COL23A1: variants seen among roughly 807,000 people sequenced by gnomAD.
COL23A1 encodes collagen alpha-1(XXIII) chain.
COL23A1 carries 97 observed loss-of-function variants against 99.3 expected under a neutral mutation model. The observed-to-expected ratio is 0.98, with a 90% CI of 0.83 to 1.16. The LOEUF (loss-of-function observed/expected upper bound fraction) is 1.16, where lower values mean the gene tolerates loss of function less well. Ranked by LOEUF, COL23A1 falls within the 50% of genes most tolerant of loss-of-function variation. COL23A1 has a pLI of 0.00. For missense variants in COL23A1, 762 were observed against 757.4 expected (o/e 1.01, Z -0.07); for synonymous variants, 320 against 308.2 (o/e 1.04, Z -0.40).
Position 178,238,590 on chromosome 5 carries a change from C to G in COL23A1, c.*108G>C. The G allele has an allele frequency of 6.9e-7, 1 of 1,443,568 alleles. No homozygotes were observed. Among genetic ancestry groups the G allele is most frequent in the Non-Finnish European group, 9.7e-7 (1 of 1,032,162 alleles). 89.4% of individuals were successfully genotyped at this position (1,443,568 alleles called of 1,614,324 possible). ...GGGCATACTCTTGAATGTTAAAAGG[C>G]CACAGGTAGCGCATTCCATGAAAAA... On this transcript the variant is annotated 3_prime_UTR_variant, in exon 29 of 29. Transcript: ENST00000390654.
At chr5:178,535,025 C>T (rs2617263) in intron 2 of COL23A1, among the ~76,000 whole-genome samples, 32,376 of 144,324 alleles carry the variant, frequency 0.22, 3,674 homozygotes, top group Non-Finnish European at 0.23. Flanking sequence ...GGCTGGAGTG[C>T]GGTGGCGTGA....
chr5:178,394,163 C>T (rs1430874957), intron 2 of COL23A1, among the ~76,000 whole-genome samples: 1 of 152,230 alleles, frequency 6.6e-6, no homozygotes, highest in Non-Finnish European at 1.5e-5. Flanking sequence ...AGGCCCAGGG[C>T]TCCAGCACAG....
chr5:178,534,111 A>G (rs1164074093), intron 2 of COL23A1, among the ~76,000 whole-genome samples: 27 of 152,138 alleles, frequency 1.8e-4, no homozygotes, highest in Admixed American at 1.7e-3. Context: ...GCGGTAACAA[A>G]ATACCATAGA....
intron 8 of COL23A1, among the ~76,000 whole-genome samples, chr5:178,266,642 A>T (rs1432599845): frequency 6.6e-6 from 1 of 152,150 alleles, no homozygotes; most frequent in Non-Finnish European, 1.5e-5. Flanking sequence ...ACTGCAGAAC[A>T]ATCTCACCAG....
At chr5:178,548,039 C>CCACAAACACACCCACA in intron 2 of COL23A1, among the ~76,000 whole-genome samples, 6 of 80,170 alleles carry the variant, frequency 7.5e-5, no homozygotes, top group Non-Finnish European at 1.3e-4. Context: ...ACACACCCAC[C>CCACAAACACACCCACA]CCCACACCCA....
At position 178,560,771 on chromosome 5, in the gene COL23A1, A is replaced by G. The variant is rs199807068; in HGVS notation, c.295-23T>C. 1,181 of 1,595,402 alleles carry G rather than the reference A, an allele frequency of 7.4e-4. 4 individuals are homozygous for G. Among genetic ancestry groups the G allele is most frequent in the Non-Finnish European group, 4.6e-4 (534 of 1,172,004 alleles). On this transcript the variant is annotated intron_variant, in intron 1 of 28. Coordinates refer to ENST00000390654, the MANE Select transcript of COL23A1 (RefSeq NM_173465.4). Reference sequence around the variant, plus strand: ...CTTCTGAGCCGGAAAAAAAAAAAGAAAAAAAACGAGGAGAGAATGAGTTTC... The same window carrying G: ...CTTCTGAGCCGGAAAAAAAAAAAGAGAAAAAACGAGGAGAGAATGAGTTTC...
intron 2 of COL23A1, among the ~76,000 whole-genome samples, chr5:178,367,997 C>A (rs551728187): frequency 6.6e-6 from 1 of 152,100 alleles, no homozygotes; most frequent in Non-Finnish European, 1.5e-5. Flanking sequence ...GTGTGCACTG[C>A]GGAAATGCAC....
chr5:178,278,376 G>A (rs1428800521), intron 5 of COL23A1, among the ~76,000 whole-genome samples: 1 of 152,186 alleles, frequency 6.6e-6, no homozygotes, highest in African/African-American at 2.4e-5. Flanking sequence ...TAAAGAACTG[G>A]TTGAAACCCT....
intron 5 of COL23A1, among the ~76,000 whole-genome samples, chr5:178,286,400 C>G (rs986266776): frequency 3.3e-5 from 5 of 152,154 alleles, no homozygotes; most frequent in African/African-American, 1.2e-4. Context: ...CCGTTCCCAG[C>G]CCCGACAGTC....
chr5:178,287,396 C>A (rs1001955733), intron 5 of COL23A1, among the ~76,000 whole-genome samples: 2 of 152,238 alleles, frequency 1.3e-5, no homozygotes, highest in African/African-American at 4.8e-5. Context: ...GGGTTTGTGA[C>A]ACATCATGTG....
Position 178,590,004 on chromosome 5 carries a change from AC to A in COL23A1, c.193del (p.Val65TrpfsTer39). On this transcript the variant is annotated frameshift_variant, in exon 1 of 29. Transcript: ENST00000390654. LOFTEE classifies it high-confidence loss of function. The surrounding 1 kb of genome is among the most constrained non-coding windows in gnomAD (Gnocchi z 5.7). ...CTCCCGCTCCTCCTCGAGCGCCGCCACCCGGCCCTGCAGCGCGGCCGCCTGG... is the reference window on the plus strand; with the variant it reads ...CTCCCGCTCCTCCTCGAGCGCCGCCACCGGCCCTGCAGCGCGGCCGCCTGG... The part of the protein sequence containing the change: ...GVQAAALQGR[V>X]AALEEERELL... 7.4e-7 allele frequency: 1 copy of A among 1,349,548 alleles called. No homozygotes were observed. The highest frequency in any genetic ancestry group is 9.5e-7 in the Non-Finnish European group (1 of 1,053,026). 83.6% of individuals were successfully genotyped at this position (1,349,548 alleles called of 1,614,324 possible).
rs1761720981 is a variant in COL23A1, at chr5:178,357,435, T to C, written c.362-50516A>G. On this transcript the variant is annotated intron_variant, in intron 2 of 28. Transcript: ENST00000390654. ...ACTCACAATGAAATCAGGCCGGGCA[T>C]GCAGGCTCTTGCTGGGAACAGCACA... Among the ~76,000 whole-genome samples, 3 of 152,220 alleles carry C rather than the reference T, an allele frequency of 2.0e-5. No individual in the cohort carries two copies. In the South Asian group the frequency reaches 6.2e-4, roughly 32 times the overall value.
intron 2 of COL23A1, among the ~76,000 whole-genome samples, chr5:178,521,453 C>T (rs796464302): frequency 2.7e-5 from 4 of 150,886 alleles, no homozygotes; most frequent in East Asian, 2.0e-4. Context: ...CTCGGGAGGC[C>T]GAGGCAGGAG....
At chr5:178,279,362 C>G (rs980271007) in intron 5 of COL23A1, among the ~76,000 whole-genome samples, 1 of 152,252 alleles carries the variant, frequency 6.6e-6, no homozygotes, top group Non-Finnish European at 1.5e-5. Flanking sequence ...CAGTGCCCAC[C>G]ACAGATGCCC....
At chr5:178,516,803 C>G (rs1340404675) in intron 2 of COL23A1, among the ~76,000 whole-genome samples, 4 of 152,212 alleles carry the variant, frequency 2.6e-5, no homozygotes, top group Admixed American at 6.5e-5. Flanking sequence ...CCGTGCCCAC[C>G]TTGTCCACCC....
rs1758801308 is a variant in COL23A1, at chr5:178,313,269, T to C, written c.362-6350A>G. On this transcript the variant is annotated intron_variant, in intron 2 of 28. Transcript: ENST00000390654. The surrounding 1 kb of genome is among the most constrained non-coding windows in gnomAD (Gnocchi z 4.2). Reference sequence around the variant, plus strand: ...CATGAAGAGTTCTGGAGAGGGATGGTGGTGGTGACGGGTGCGTGACAATGT... The same window carrying C: ...CATGAAGAGTTCTGGAGAGGGATGGCGGTGGTGACGGGTGCGTGACAATGT... Among the ~76,000 whole-genome samples, 1 of 152,122 alleles carries C rather than the reference T, an allele frequency of 6.6e-6. No homozygotes were observed. The highest frequency in any genetic ancestry group is 1.5e-5 in the Non-Finnish European group (1 of 68,006).
At chr5:178,414,570 G>A (rs1409291724) in intron 2 of COL23A1, among the ~76,000 whole-genome samples, 1 of 152,126 alleles carries the variant, frequency 6.6e-6, no homozygotes, top group Non-Finnish European at 1.5e-5. Flanking sequence ...TCAGGAGTTC[G>A]AGACCAGCCT....
At chr5:178,266,680 T>C (rs899744431) in intron 8 of COL23A1, among the ~76,000 whole-genome samples, 1 of 152,174 alleles carries the variant, frequency 6.6e-6, no homozygotes, top group Non-Finnish European at 1.5e-5. Flanking sequence ...AGAGCAGCTG[T>C]GTTCGTGCTC....
intron 2 of COL23A1, among the ~76,000 whole-genome samples, chr5:178,463,626 A>T (rs1025948429): frequency 3.3e-5 from 5 of 152,208 alleles, no homozygotes; most frequent in Non-Finnish European, 5.9e-5. Flanking sequence ...GGGGAGAAGA[A>T]GTTGATGAAC....
Sources: allele counts gnomAD v4.1 joint callset (sites outside exome capture counted in the v4.1 genomes callset), GRCh38; gene constraint gnomAD v4.1.1; non-coding constraint Gnocchi (gnomAD v3.1); transcripts MANE v1.5; gene names NCBI Gene and HGNC (gene_info 2026-07-23, HGNC 2026-07-21).